Variants in SAMD3 observed in about 807,000 individuals in gnomAD.
SAMD3 encodes the protein sterile alpha motif domain-containing protein 3.
Under a neutral mutation model 58.5 loss-of-function variants are expected in SAMD3, and 63 were observed. That is an observed-to-expected ratio of 1.08 (90% CI 0.88 to 1.33). SAMD3 has a LOEUF of 1.33. Among genes scored for constraint, SAMD3 ranks in the 40% most tolerant of loss-of-function variants. The probability of loss-of-function intolerance (pLI) is 0.00; values close to 1 mark genes in which losing one functional copy is unlikely to be tolerated. For synonymous variants in SAMD3, 220 were observed against 210.3 expected (o/e 1.05, Z -0.40); for missense variants, 604 against 608.4 (o/e 0.99, Z 0.08).
chr6:130,161,046 A>C (rs1458113197), intron 8 of SAMD3: 1 of 152,188 alleles, frequency 6.6e-6, no homozygotes, highest in Non-Finnish European at 1.5e-5. Flanking sequence ...TTTATTTTTA[A>C]AACAGGTGAA....
At chr6:130,295,132 A>C (rs1372544212) in intron 2 of SAMD3, among the ~76,000 whole-genome samples, 8 of 152,080 alleles carry the variant, frequency 5.3e-5, no homozygotes, top group Non-Finnish European at 8.8e-5. Context: ...TGTGTTGGTC[A>C]GGCTGGTCTC....
chr6:130,236,530 C>T (rs2114887092), intron 2 of SAMD3, among the ~76,000 whole-genome samples: 1 of 151,958 alleles, frequency 6.6e-6, no homozygotes. Flanking sequence ...ATTACAGGCG[C>T]CCACCACCGC....
At chr6:130,355,837 T>C (rs1777813050) in intron 1 of SAMD3, among the ~76,000 whole-genome samples, 1 of 152,182 alleles carries the variant, frequency 6.6e-6, no homozygotes, top group Non-Finnish European at 1.5e-5. Flanking sequence ...CAGTGGCTAT[T>C]AGAGAAACAT....
At chr6:130,268,307 T>C (rs986692842) in intron 2 of SAMD3, among the ~76,000 whole-genome samples, 1 of 152,228 alleles carries the variant, frequency 6.6e-6, no homozygotes, top group Admixed American at 6.5e-5. Context: ...TTAATCTAAG[T>C]GTTACTACAA....
intron 2 of SAMD3, among the ~76,000 whole-genome samples, chr6:130,256,208 C>T (rs1344258965): frequency 6.6e-6 from 1 of 151,794 alleles, no homozygotes; most frequent in Admixed American, 6.6e-5. Context: ...TGATGAGCTG[C>T]TTAATTAATT....
intron 2 of SAMD3, among the ~76,000 whole-genome samples, chr6:130,261,604 C>T (rs12524801): frequency 0.12 from 18,490 of 151,960 alleles, 1,547 homozygotes; most frequent in East Asian, 0.36. Flanking sequence ...GTGGTGTGAG[C>T]GTGGTGTTTT....
At chr6:130,175,611 G>A in intron 8 of SAMD3, 1 of 349,300 alleles carries the variant, frequency 2.9e-6, no homozygotes, top group Admixed American at 4.3e-5. Context: ...TGAAGGTTGT[G>A]AAAAAAACTG....
intron 1 of SAMD3, among the ~76,000 whole-genome samples, chr6:130,361,809 T>G (rs1199380106): frequency 6.6e-6 from 1 of 152,230 alleles, no homozygotes; most frequent in Non-Finnish European, 1.5e-5. Flanking sequence ...GAGGCACCCC[T>G]TCTTGGGTTG....
At chr6:130,168,116 T>C (rs1790891452) in intron 8 of SAMD3, among the ~76,000 whole-genome samples, 1 of 152,180 alleles carries the variant, frequency 6.6e-6, no homozygotes, top group South Asian at 2.1e-4. Context: ...GGTCTACCTG[T>C]GGAAGCCCAT....
intron 2 of SAMD3, among the ~76,000 whole-genome samples, chr6:130,281,112 G>A (rs1289092332): frequency 1.4e-5 from 2 of 138,644 alleles, no homozygotes; most frequent in Middle Eastern, 7.4e-3. Context: ...TGCAAATTAT[G>A]TGAATGTGTC....
chr6:130,151,530 C>T (rs1404710700), intron 9 of SAMD3, among the ~76,000 whole-genome samples: 1 of 152,182 alleles, frequency 6.6e-6, no homozygotes, highest in Non-Finnish European at 1.5e-5. Flanking sequence ...CACCCTCCGT[C>T]TCCCAGGTTC....
At chr6:130,246,732 TACA>T (rs1419121682) in intron 2 of SAMD3, among the ~76,000 whole-genome samples, 16 of 151,832 alleles carry the variant, frequency 1.1e-4, no homozygotes, top group African/African-American at 3.9e-4. Context: ...TCTACAAAAA[TACA>T]ACAATTAGCC....
At chr6:130,182,064 C>CAA (rs61173557) in intron 7 of SAMD3, among the ~76,000 whole-genome samples, 66 of 54,372 alleles carry the variant, frequency 1.2e-3, no homozygotes, top group Middle Eastern at 9.3e-3. Context: ...GACTCTGTCT[C>CAA]AAAAAAAAAA....
At chr6:130,220,917 G>T (rs911926935) in intron 1 of SAMD3, among the ~76,000 whole-genome samples, 3 of 151,674 alleles carry the variant, frequency 2.0e-5, no homozygotes, top group Non-Finnish European at 4.4e-5. Flanking sequence ...GCAGTGGCAC[G>T]ATCTCGGCTC....
At chr6:130,189,309 G>A (rs1021766923) in intron 5 of SAMD3, among the ~76,000 whole-genome samples, 21 of 152,132 alleles carry the variant, frequency 1.4e-4, no homozygotes, top group African/African-American at 3.9e-4. Flanking sequence ...AGATCTGTAT[G>A]CCATGTGAGG....
At chr6:130,365,270 C>T (rs3813363) in exon 1 of SAMD3, 343,558 of 985,006 alleles carry the variant, frequency 0.35, 68,675 homozygotes, top group African/African-American at 0.86. Flanking sequence ...TGTTTGGAGT[C>T]GAACATCCGC....
Position 130,184,261 on chromosome 6 carries a change from A to G in SAMD3, c.570-74T>C, listed in dbSNP as rs899411108. ...TCCTTCCTTTAAGATGAGTCTAATT[A>G]CACTCATTTTTCTTCACATTTTTCT... is the stretch of plus-strand genomic sequence containing the variant. On this transcript the variant is annotated intron_variant, in intron 6 of 11. Transcript: ENST00000439090. 3.8e-6 allele frequency: 5 copies of G among 1,303,642 alleles called. No homozygotes were observed. The Middle Eastern group carries it at 5.7e-4, about 148-fold the overall frequency. 80.8% of individuals were successfully genotyped at this position (1,303,642 alleles called of 1,614,324 possible).
intron 8 of SAMD3, among the ~76,000 whole-genome samples, chr6:130,169,298 C>T (rs1791018230): frequency 6.6e-6 from 1 of 152,088 alleles, no homozygotes; most frequent in East Asian, 1.9e-4. Context: ...GTACAAAATA[C>T]AGAAACAGAG....
chr6:130,352,311 C>G (rs568071100), intron 1 of SAMD3, among the ~76,000 whole-genome samples: 9 of 152,174 alleles, frequency 5.9e-5, no homozygotes, highest in African/African-American at 1.9e-4. Flanking sequence ...GATATTAAGA[C>G]TTTATGAGTA....
Sources: gnomAD v4.1 joint callset for allele counts (sites outside exome capture counted in the v4.1 genomes callset) on GRCh38, gnomAD v4.1.1 for gene constraint, MANE v1.5 for transcripts, NCBI Gene and HGNC (gene_info 2026-07-23, HGNC 2026-07-21) for gene names.